The following PREP variants were observed in gnomAD, a reference collection of about 807,000 sequenced individuals.
PREP encodes the protein prolyl endopeptidase.
In PREP, 29 loss-of-function variants were observed where a neutral mutation model predicts 87.6. The observed-to-expected ratio is 0.33, with a 90% CI of 0.25 to 0.45. The LOEUF (loss-of-function observed/expected upper bound fraction) is 0.45. PREP is among the 20% of genes least tolerant of loss of function. PREP has a pLI of 1.00. For missense variants in PREP, 695 were observed against 886.5 expected (o/e 0.78, Z 2.74); for synonymous variants, 337 against 328.6 (o/e 1.03, Z -0.28).
At chr6:105,341,973 C>T (rs994255801) in intron 7 of PREP, among the ~76,000 whole-genome samples, 2 of 152,186 alleles carry the variant, frequency 1.3e-5, no homozygotes, top group Non-Finnish European at 2.9e-5. Flanking sequence ...GAGCTGGTAC[C>T]ATTCCTTCTG....
In PREP at chr6:105,278,992, C is replaced by T. The variant is rs893894132; in HGVS notation, c.1839-554G>A. Reference sequence around the variant, plus strand: ...CGAGAAACCTGGATGGGCTGTTGAGCCTCCTGCTGGCTCTCAGTCCGGCAG... The same window carrying T: ...CGAGAAACCTGGATGGGCTGTTGAGTCTCCTGCTGGCTCTCAGTCCGGCAG... On this transcript the variant is annotated intron_variant, in intron 14 of 14. Transcript: ENST00000652536. The surrounding 1 kb of genome is among the most constrained non-coding windows in gnomAD (Gnocchi z 4.2). 5.3e-5 allele frequency: 8 copies of T among 152,172 alleles called. No individual in the cohort carries two copies. The highest frequency in any genetic ancestry group is 1.9e-4 in the African/African-American group (8 of 41,424). 9.4% of individuals were successfully genotyped at this position (152,172 alleles called of 1,614,324 possible).
intron 2 of PREP, among the ~76,000 whole-genome samples, chr6:105,382,632 C>T (rs1392296509): frequency 6.6e-6 from 1 of 152,010 alleles, no homozygotes; most frequent in Non-Finnish European, 1.5e-5. Context: ...ACAATGTGCA[C>T]CATGGTGATT....
chr6:105,310,374 C>T (rs1277855031), intron 10 of PREP, among the ~76,000 whole-genome samples: 1 of 152,062 alleles, frequency 6.6e-6, no homozygotes, highest in East Asian at 1.9e-4. Flanking sequence ...GAGCGTCTAT[C>T]TCCTCCTCTC....
At position 105,273,573 on chromosome 6, in the gene PREP, A is replaced by T. The variant is rs552774178; in HGVS notation, c.*4571T>A. 20 of 152,198 alleles carry T rather than the reference A, an allele frequency of 1.3e-4. No individual in the cohort carries two copies. Among genetic ancestry groups the T allele is most frequent in the African/African-American group, 4.6e-4 (19 of 41,456 alleles). The allele number at this position is 152,198 out of a possible 1,614,324, so 9.4% of individuals were successfully genotyped here. A position where few individuals can be genotyped will look rare whatever the true frequency, so the allele number is the denominator to read the frequency against. ...TTTTGAGATTCATCCATGATATGGC[A>T]TGTCAGTGATTTTTGTGATGGTGGG... is the stretch of plus-strand genomic sequence containing the variant. On this transcript the variant is annotated 3_prime_UTR_variant, in exon 15 of 15. Transcript: ENST00000652536.
chr6:105,348,987 A>G (rs1562210518), intron 7 of PREP, among the ~76,000 whole-genome samples: 1 of 152,100 alleles, frequency 6.6e-6, no homozygotes, highest in Non-Finnish European at 1.5e-5. Flanking sequence ...AAGCCAGTGG[A>G]GAATAGGACA....
chr6:105,349,982 T>C (rs1161914934), intron 7 of PREP, among the ~76,000 whole-genome samples: 2 of 151,236 alleles, frequency 1.3e-5, no homozygotes, highest in Non-Finnish European at 2.9e-5. Context: ...CCCCTGAATT[T>C]TCAATTACCA....
At chr6:105,327,090 A>C (rs1005180980) in intron 9 of PREP, among the ~76,000 whole-genome samples, 1 of 152,188 alleles carries the variant, frequency 6.6e-6, no homozygotes, top group African/African-American at 2.4e-5. Flanking sequence ...TTTTAAGAGC[A>C]GGTGAGTCAC....
intron 2 of PREP, among the ~76,000 whole-genome samples, chr6:105,390,858 C>T (rs1365103897): frequency 2.6e-5 from 4 of 152,092 alleles, no homozygotes; most frequent in Non-Finnish European, 5.9e-5. Flanking sequence ...GCTAATTTAG[C>T]ATTCCCCCAG....
chr6:105,395,598 T>C (rs1380724935), intron 2 of PREP, among the ~76,000 whole-genome samples: 1 of 152,172 alleles, frequency 6.6e-6, no homozygotes, highest in Non-Finnish European at 1.5e-5. Context: ...TTAGTTTCTA[T>C]CAAGTGCTGA....
At chr6:105,323,822 G>C (rs894643274) in intron 9 of PREP, 54 bp from the exon 10 acceptor site, 10 of 1,445,590 alleles carry the variant, frequency 6.9e-6, no homozygotes, top group Non-Finnish European at 9.7e-6. Flanking sequence ...AGATTCAAAG[G>C]GGGCAAGGAT....
intron 10 of PREP, among the ~76,000 whole-genome samples, chr6:105,303,658 CTT>C (rs1770592684): frequency 6.6e-6 from 1 of 151,918 alleles, no homozygotes; most frequent in South Asian, 2.1e-4. Context: ...AAGAAAGAAA[CTT>C]AAAACAGCAC....
intron 7 of PREP, among the ~76,000 whole-genome samples, chr6:105,342,497 A>T (rs148959806): frequency 4.7e-4 from 72 of 152,346 alleles, no homozygotes; most frequent in African/African-American, 1.6e-3. Flanking sequence ...CTCTCTCGCC[A>T]CTACTATTCA....
intron 2 of PREP, among the ~76,000 whole-genome samples, chr6:105,378,665 T>C (rs1294793655): frequency 1.3e-5 from 2 of 152,220 alleles, no homozygotes; most frequent in Non-Finnish European, 2.9e-5. Flanking sequence ...CATAAAAACT[T>C]GGCTACTAGT....
intron 3 of PREP, among the ~76,000 whole-genome samples, chr6:105,376,740 A>G (rs1173799753): frequency 6.6e-6 from 1 of 152,240 alleles, no homozygotes; most frequent in Non-Finnish European, 1.5e-5. Context: ...CTGTAGCTGC[A>G]GCACAAAAGC....
chr6:105,370,597 A>AT (rs1424413085), intron 5 of PREP, among the ~76,000 whole-genome samples: 1 of 152,210 alleles, frequency 6.6e-6, no homozygotes, highest in East Asian at 1.9e-4. Flanking sequence ...AGTTTTATTC[A>AT]TAAGTGCTAA....
At chr6:105,283,292 A>G (rs36028104) in intron 12 of PREP, among the ~76,000 whole-genome samples, 1 of 152,242 alleles carries the variant, frequency 6.6e-6, no homozygotes, top group Non-Finnish European at 1.5e-5. Context: ...GTTCCAGTGT[A>G]TTAAACCAAA....
In PREP at chr6:105,277,286, C is replaced by CTGTT; in HGVS notation, c.*854_*857dup. On this transcript the variant is annotated 3_prime_UTR_variant, in exon 15 of 15. Transcript: ENST00000652536. ...GTAAGAAATGCTTGGATATATGTAT[C>CTGTT]TGTTTGTTTGGATAATTTACTCATG... 1.3e-5 allele frequency among the ~76,000 whole-genome samples: 2 copies of CTGTT among 151,558 alleles called. No homozygotes were observed. Among genetic ancestry groups the CTGTT allele is most frequent in the Non-Finnish European group, 1.5e-5 (1 of 67,930 alleles).
At chr6:105,378,973 T>A (rs1260555425) in intron 2 of PREP, among the ~76,000 whole-genome samples, 1 of 152,208 alleles carries the variant, frequency 6.6e-6, no homozygotes, top group Admixed American at 6.5e-5. Flanking sequence ...ACCATGATTT[T>A]GTGGTGAGAC....
intron 10 of PREP, chr6:105,322,611 T>TA (rs1340283751): frequency 6.1e-6 from 6 of 987,750 alleles, no homozygotes; most frequent in East Asian, 1.1e-4. Context: ...TTCTGGGACA[T>TA]AGAGTTTCTG....
Sources: gnomAD v4.1 joint callset for allele counts (sites outside exome capture counted in the v4.1 genomes callset) on GRCh38, gnomAD v4.1.1 for gene constraint, Gnocchi (gnomAD v3.1) non-coding constraint, MANE v1.5 for transcripts, NCBI Gene and HGNC (gene_info 2026-07-23, HGNC 2026-07-21) for gene names.